CSPP1: variants seen among roughly 807,000 people sequenced by gnomAD.
CSPP1 encodes centrosome and spindle pole associated protein 1.
A neutral mutation model predicts 164.4 loss-of-function variants in CSPP1; 126 were observed. The ratio of observed to expected loss-of-function variants is 0.77; its 90% CI spans 0.66 to 0.89. The LOEUF is 0.89. Ranked by LOEUF, CSPP1 falls within the 40% of genes least tolerant of loss-of-function variation. CSPP1 has a pLI of 0.00. For missense variants in CSPP1, 1,395 were observed against 1,449.8 expected, an observed-to-expected ratio of 0.96 and a Z score of 0.61; for synonymous variants, 472 against 476.7, an observed-to-expected ratio of 0.99 and a Z score of 0.13.
chr8:67,108,841 T>G (rs1816218358), intron 9 of CSPP1, among the ~76,000 whole-genome samples: 1 of 152,190 alleles, frequency 6.6e-6, no homozygotes, highest in South Asian at 2.1e-4. Context: ...GTAACAAGCC[T>G]TTGCTATATA....
Position 67,093,500 on chromosome 8 carries a change from C to G in CSPP1, c.385-43C>G, listed in dbSNP as rs1263607006. On this transcript the variant is annotated intron_variant, in intron 5 of 30. Coordinates refer to ENST00000678616, the MANE Select transcript of CSPP1 (RefSeq NM_001382391.1). ...TAGGACATTGAGGGATTTTTTTTTC[C>G]TGAAGTTGAATTTTAACATTGCCTT... The G allele has an allele frequency of 3.1e-6, 4 of 1,279,858 alleles. No homozygotes were observed. The Admixed American group carries it at 7.3e-5, about 23-fold the overall frequency. 79.3% of individuals were successfully genotyped at this position (1,279,858 alleles called of 1,614,324 possible). A position where few individuals can be genotyped will look rare whatever the true frequency, so the allele number is the denominator to read the frequency against.
chr8:67,074,834 GC>G, intron 2 of CSPP1: 1 of 285,070 alleles, frequency 3.5e-6, no homozygotes, highest in South Asian at 3.1e-5. Context: ...AGGCAGGACT[GC>G]AATGGTGTGA....
chr8:67,123,475 T>C (rs985837005), intron 15 of CSPP1, among the ~76,000 whole-genome samples: 1 of 152,232 alleles, frequency 6.6e-6, no homozygotes, highest in African/African-American at 2.4e-5. Flanking sequence ...TGTCTTTGAA[T>C]CTAAAAGATG....
chr8:67,171,983 G>T (rs1586713167), intron 24 of CSPP1, among the ~76,000 whole-genome samples: 1 of 151,892 alleles, frequency 6.6e-6, no homozygotes. Flanking sequence ...GAGTAGCTGG[G>T]ACTACAGGTG....
At position 67,195,362 on chromosome 8, in the gene CSPP1, G is replaced by A. The variant is rs148896413; in HGVS notation, c.3470-20G>A. 6 of 1,580,052 alleles carry A rather than the reference G, an allele frequency of 3.8e-6. No individual in the cohort carries two copies. The highest frequency in any genetic ancestry group is 1.3e-5 in the African/African-American group (1 of 74,190). ...CTGCCACCTGTGTTACCTGAGCCAC[G>A]TGTCCCTTGCCTCCTGTAGATGATG... On this transcript the variant is annotated intron_variant, in intron 30 of 30. Transcript: ENST00000678616.
chr8:67,187,716 A>G (rs1490021671), intron 28 of CSPP1, among the ~76,000 whole-genome samples: 1 of 152,168 alleles, frequency 6.6e-6, no homozygotes, highest in Non-Finnish European at 1.5e-5. Flanking sequence ...ACGCAAATAC[A>G]GTCAGCTGAT....
At chr8:67,103,455 A>C (rs924785843) in intron 8 of CSPP1, among the ~76,000 whole-genome samples, 1 of 152,114 alleles carries the variant, frequency 6.6e-6, no homozygotes, top group Non-Finnish European at 1.5e-5. Context: ...CTAAAAATCA[A>C]CTTAAAATAT....
intron 18 of CSPP1, among the ~76,000 whole-genome samples, chr8:67,152,435 T>C (rs1825893528): frequency 6.6e-6 from 1 of 152,222 alleles, no homozygotes; most frequent in Non-Finnish European, 1.5e-5. Context: ...GCTTATGAAG[T>C]CTAATACGAA....
At chr8:67,135,113 G>A (rs1821986159) in intron 16 of CSPP1, 1 of 152,084 alleles carries the variant, frequency 6.6e-6, no homozygotes, top group African/African-American at 2.4e-5. Flanking sequence ...GACTTTCTGG[G>A]TGACTTGTTG....
At chr8:67,064,782 A>T in intron 1 of CSPP1, 1 of 278,712 alleles carries the variant, frequency 3.6e-6, no homozygotes, top group South Asian at 6.0e-5. Context: ...GAGAGTTGGG[A>T]TTTCGCCGCC....
intron 13 of CSPP1, among the ~76,000 whole-genome samples, chr8:67,117,148 G>T (rs1818102482): frequency 1.3e-5 from 2 of 152,120 alleles, no homozygotes; most frequent in South Asian, 4.1e-4. Context: ...CAATTACAGG[G>T]TTGTGAGGAT....
intron 28 of CSPP1, among the ~76,000 whole-genome samples, chr8:67,186,493 A>C (rs577540056): frequency 6.6e-6 from 1 of 151,964 alleles, no homozygotes; most frequent in East Asian, 1.9e-4. Flanking sequence ...AAAGTCTACC[A>C]CCCATTTATG....
chr8:67,069,592 T>C (rs1316935060), intron 1 of CSPP1, among the ~76,000 whole-genome samples: 2 of 151,956 alleles, frequency 1.3e-5, no homozygotes. Flanking sequence ...CTTAGTTCCA[T>C]GTGAAGGTGG....
chr8:67,102,957 A>G (rs757634147), intron 7 of CSPP1, 80 bp from the exon 8 acceptor site: 60 of 755,832 alleles, frequency 7.9e-5, no homozygotes, highest in Non-Finnish European at 1.3e-4. Flanking sequence ...TGTTGCCAAC[A>G]TCAAATGTAA....
At chr8:67,141,131 C>T (rs1254571266) in intron 17 of CSPP1, among the ~76,000 whole-genome samples, 2 of 152,102 alleles carry the variant, frequency 1.3e-5, no homozygotes, top group Non-Finnish European at 2.9e-5. Flanking sequence ...GAGCAGTTTT[C>T]TAAAATCTTA....
chr8:67,068,741 G>T, intron 1 of CSPP1, among the ~76,000 whole-genome samples: 1 of 152,168 alleles, frequency 6.6e-6, no homozygotes, highest in East Asian at 1.9e-4. Context: ...GTAACTTTGT[G>T]TTTTTCTGTT....
At chr8:67,118,608 T>C in intron 14 of CSPP1, 135 bp from the exon 15 acceptor site, 1 of 737,156 alleles carries the variant, frequency 1.4e-6, no homozygotes, top group Admixed American at 2.9e-5. Flanking sequence ...TGCTAACTTC[T>C]AGCCCAGAAG....
intron 26 of CSPP1, among the ~76,000 whole-genome samples, chr8:67,177,340 CCT>C (rs1452099413): frequency 6.6e-6 from 1 of 152,020 alleles, no homozygotes; most frequent in East Asian, 1.9e-4. Context: ...TGAGGGAGCC[CCT>C]GTTTAACTCC....
At chr8:67,154,522 A>T (rs1826308885) in intron 19 of CSPP1, among the ~76,000 whole-genome samples, 2 of 152,122 alleles carry the variant, frequency 1.3e-5, no homozygotes, top group Admixed American at 6.6e-5. Flanking sequence ...GCCTGCCACC[A>T]CGCCCGGCTA....
Sources: allele counts gnomAD v4.1 joint callset (sites outside exome capture counted in the v4.1 genomes callset), GRCh38; gene constraint gnomAD v4.1.1; transcripts MANE v1.5; gene names NCBI Gene and HGNC (gene_info 2026-07-23, HGNC 2026-07-21).